Variants in NEDD9 observed in about 807,000 individuals in gnomAD.
NEDD9 encodes neural precursor cell expressed, developmentally down-regulated 9, also known as enhancer of filamentation 1.
NEDD9 carries 26 observed loss-of-function variants against 76.6 expected under a neutral mutation model. The ratio of observed to expected loss-of-function variants is 0.34; its 90% CI spans 0.25 to 0.47. The LOEUF (loss-of-function observed/expected upper bound fraction) is 0.47. Ranked by LOEUF, NEDD9 falls within the 20% of genes least tolerant of loss-of-function variation. The pLI is 1.00. For missense variants in NEDD9, 937 were observed against 1,058.5 expected, an observed-to-expected ratio of 0.89 and a Z score of 1.59; for synonymous variants, 392 against 414.2, an observed-to-expected ratio of 0.95 and a Z score of 0.65.
intron 2 of NEDD9, among the ~76,000 whole-genome samples, chr6:11,308,492 C>A (rs1761261221): frequency 6.6e-6 from 1 of 150,734 alleles, no homozygotes; most frequent in Non-Finnish European, 1.5e-5. Context: ...GCCTCAGCCT[C>A]CCGAGTAGCT....
chr6:11,355,100 C>A (rs1408367942), intron 1 of NEDD9, among the ~76,000 whole-genome samples: 1 of 152,122 alleles, frequency 6.6e-6, no homozygotes, highest in Non-Finnish European at 1.5e-5. Context: ...GGTGCCATAG[C>A]AAACATCACA....
At position 11,193,294 on chromosome 6, in the gene NEDD9, A is replaced by T. The variant is rs1407371436; in HGVS notation, c.561+297T>A. On this transcript the variant is annotated intron_variant, in intron 3 of 6. Coordinates refer to ENST00000379446, the MANE Select transcript of NEDD9 (RefSeq NM_006403.4). ...CCACTGCACTCCAGCCTGGGCAACA[A>T]AGTGAGATTCTGTCTTAAAAAAAAA... Among the ~76,000 whole-genome samples, 4 of 151,908 alleles carry T rather than the reference A, an allele frequency of 2.6e-5. No individual in the cohort carries two copies. In the East Asian group the frequency reaches 7.7e-4, roughly 29 times the overall value.
At position 11,189,178 on chromosome 6, in the gene NEDD9, C is replaced by T. The variant is rs546423085; in HGVS notation, c.1905+786G>A. 1.0e-3 allele frequency among the ~76,000 whole-genome samples: 156 copies of T among 152,326 alleles called. 5 individuals are homozygous for T. In the South Asian group the frequency reaches 0.031, roughly 30 times the overall value. The stretch of plus-strand genomic sequence containing the variant: ...GCCAGGCTGGTCTTGAACTCCTGAC[C>T]TTGTGATCCACCTGCTTCAGCCTCC... On this transcript the variant is annotated intron_variant, in intron 5 of 6. Coordinates refer to ENST00000379446, the MANE Select transcript of NEDD9 (RefSeq NM_006403.4).
At chr6:11,321,544 T>C (rs1761803775) in intron 2 of NEDD9, among the ~76,000 whole-genome samples, 2 of 152,210 alleles carry the variant, frequency 1.3e-5, no homozygotes, top group African/African-American at 2.4e-5. Flanking sequence ...GAAACTCAAG[T>C]CTGAAACTCA....
At chr6:11,246,890 C>T (rs9348839) in intron 3 of NEDD9, among the ~76,000 whole-genome samples, 23,746 of 152,042 alleles carry the variant, frequency 0.16, 2,603 homozygotes, top group East Asian at 0.53. Flanking sequence ...GGAGTTCAGA[C>T]GCATCAGAAT....
At chr6:11,256,616 G>A (rs147726560) in intron 3 of NEDD9, among the ~76,000 whole-genome samples, 143 of 152,136 alleles carry the variant, frequency 9.4e-4, no homozygotes, top group Admixed American at 1.5e-3. Flanking sequence ...GCGTGCCACC[G>A]TGCTTGGCTA....
intron 1 of NEDD9, among the ~76,000 whole-genome samples, chr6:11,342,984 C>T (rs928662585): frequency 7.9e-5 from 12 of 151,806 alleles, no homozygotes; most frequent in Non-Finnish European, 1.6e-4. Flanking sequence ...GAAAGAGGGA[C>T]GTTTCAAGGA....
intron 2 of NEDD9, among the ~76,000 whole-genome samples, chr6:11,203,000 A>G (rs1758497476): frequency 6.6e-6 from 1 of 152,218 alleles, no homozygotes; most frequent in African/African-American, 2.4e-5. Context: ...CAATGGAAAC[A>G]GTGCCCCTAT....
At chr6:11,248,557 T>C (rs1759854018) in intron 3 of NEDD9, among the ~76,000 whole-genome samples, 1 of 152,242 alleles carries the variant, frequency 6.6e-6, no homozygotes, top group Admixed American at 6.5e-5. Flanking sequence ...TTACATCTTC[T>C]GGTCTTGGAG....
chr6:11,232,627 G>C lies in NEDD9; in HGVS notation c.-112C>G, dbSNP rs1408369509. 6.3e-7 allele frequency: 1 copy of C among 1,589,496 alleles called. No individual in the cohort carries two copies. The highest frequency in any genetic ancestry group is 2.2e-5 in the East Asian group (1 of 44,604). ...GCTAGATGAAAGCGAGAAGGTCCCG[G>C]GCAGAGCCGCTTGTCAGTCGCAGCG... is the stretch of plus-strand genomic sequence containing the variant. On this transcript the variant is annotated 5_prime_UTR_variant, in exon 1 of 7. Transcript: ENST00000379446.
At chr6:11,344,429 C>T (rs1762329065) in intron 1 of NEDD9, among the ~76,000 whole-genome samples, 1 of 152,186 alleles carries the variant, frequency 6.6e-6, no homozygotes, top group Admixed American at 6.5e-5. Flanking sequence ...GCAACACATT[C>T]CTGTCGTAAG....
At chr6:11,263,237 G>A (rs1760145864) in intron 3 of NEDD9, among the ~76,000 whole-genome samples, 1 of 152,140 alleles carries the variant, frequency 6.6e-6, no homozygotes, top group African/African-American at 2.4e-5. Flanking sequence ...TGTGTAAGGG[G>A]GAGGATTCTG....
upstream of NEDD9, among the ~76,000 whole-genome samples, chr6:11,236,915 G>C (rs983638683): frequency 6.6e-6 from 1 of 151,938 alleles, no homozygotes; most frequent in African/African-American, 2.4e-5. The surrounding 1 kb of genome is among the most constrained non-coding windows in gnomAD (Gnocchi z 5.5). Context: ...CTCTACCGCC[G>C]ACCCCCATCC....
At chr6:11,280,718 T>C (rs971108177) in intron 3 of NEDD9, among the ~76,000 whole-genome samples, 1 of 152,370 alleles carries the variant, frequency 6.6e-6, no homozygotes, top group East Asian at 1.9e-4. Flanking sequence ...TTGACTCCTG[T>C]TGGGGGCCCC....
At chr6:11,306,254 C>A in intron 2 of NEDD9, 1 of 542,518 alleles carries the variant, frequency 1.8e-6, no homozygotes, top group Non-Finnish European at 3.3e-6. Flanking sequence ...CTGGAAAAGC[C>A]AAATCCATAG....
At chr6:11,265,080 A>G (rs966270155) in intron 3 of NEDD9, among the ~76,000 whole-genome samples, 4 of 152,268 alleles carry the variant, frequency 2.6e-5, no homozygotes, top group Non-Finnish European at 5.9e-5. Flanking sequence ...AAATGTCCAA[A>G]GTTCATCAGA....
intron 3 of NEDD9, among the ~76,000 whole-genome samples, chr6:11,272,757 C>T (rs2113344528): frequency 6.6e-6 from 1 of 152,298 alleles, no homozygotes; most frequent in Non-Finnish European, 1.5e-5. Context: ...AAAGAAAAGC[C>T]ATGCCTGGGA....
intron 2 of NEDD9, 28 bp from the exon 3 acceptor site, chr6:11,193,720 A>C (rs1011812114): frequency 6.4e-7 from 1 of 1,556,352 alleles, no homozygotes; most frequent in South Asian, 1.1e-5. Flanking sequence ...CAGAGGTGTA[A>C]ATTTCCAAGC....
Position 11,232,660 on chromosome 6 carries a change from CAA to C in NEDD9, c.-147_-146del. 6.5e-7 allele frequency: 1 copy of C among 1,539,888 alleles called. No individual in the cohort carries two copies. Among genetic ancestry groups the C allele is most frequent in the Non-Finnish European group, 8.7e-7 (1 of 1,146,568 alleles). On this transcript the variant is annotated 5_prime_UTR_variant, in exon 1 of 7. Coordinates refer to ENST00000379446, the MANE Select transcript of NEDD9 (RefSeq NM_006403.4). ...CGCTTGTCAGTCGCAGCGCCTCCCT[CAA>C]GTCTCTGAGCTCACTGTTGTGACTG...
Sources: gnomAD v4.1 joint callset for allele counts (sites outside exome capture counted in the v4.1 genomes callset) on GRCh38, gnomAD v4.1.1 for gene constraint, Gnocchi (gnomAD v3.1) non-coding constraint, MANE v1.5 for transcripts, NCBI Gene and HGNC (gene_info 2026-07-23, HGNC 2026-07-21) for gene names.